Variants in CDYL observed in about 807,000 individuals in gnomAD.
The protein encoded by CDYL is chromodomain Y-like protein.
In CDYL, 8 loss-of-function variants were observed where a neutral mutation model predicts 47.3. That is an observed-to-expected ratio of 0.17 (90% CI 0.10 to 0.31). The LOEUF is 0.31. Ranked by LOEUF, CDYL falls within the 10% of genes least tolerant of loss-of-function variation. The pLI, the probability that CDYL is intolerant of heterozygous loss-of-function variation, is 1.00. For synonymous variants in CDYL, 266 were observed against 265.0 expected (o/e 1.00, Z -0.04); for missense variants, 471 against 701.4 (o/e 0.67, Z 3.71).
At chr6:4,892,494 GA>G in intron 2 of CDYL, 115 bp downstream of exon 2, 1 of 1,084,502 alleles carries the variant, frequency 9.2e-7, no homozygotes, top group South Asian at 1.6e-5. Context: ...GCATCTGCTG[GA>G]GCCTTGCAGA....
intron 1 of CDYL, among the ~76,000 whole-genome samples, chr6:4,888,161 G>A (rs535452818): frequency 6.6e-6 from 1 of 152,174 alleles, no homozygotes; most frequent in African/African-American, 2.4e-5. Flanking sequence ...TTCTTGTGAT[G>A]TCTTTTGTTT....
At chr6:4,706,660 G>A (rs574424569) in intron 1 of CDYL, among the ~76,000 whole-genome samples, 24 of 152,158 alleles carry the variant, frequency 1.6e-4, no homozygotes, top group East Asian at 1.5e-3. Context: ...GTGGTGGTGC[G>A]CGCCTGTAAT....
chr6:4,756,376 A>C (rs1758074426), intron 3 of CDYL, among the ~76,000 whole-genome samples: 1 of 151,962 alleles, frequency 6.6e-6, no homozygotes, highest in African/African-American at 2.4e-5. Flanking sequence ...TGCCTTCTAA[A>C]CTTTGCTCAC....
rs6900014 is a variant in CDYL, at chr6:4,808,029, T to G, written c.24+31222T>G. 8.5e-3 allele frequency among the ~76,000 whole-genome samples: 1,290 copies of G among 152,282 alleles called. 21 individuals are homozygous for G. The highest frequency in any genetic ancestry group is 0.03 in the African/African-American group (1,239 of 41,540). On this transcript the variant is annotated intron_variant, in intron 1 of 6. Transcript: ENST00000397588. ...GGAAGCTCCTGCAGTTTGGGTCCTATGTCCTTTCATCATGTTTTCCCAATT... is the reference window on the plus strand; with the variant it reads ...GGAAGCTCCTGCAGTTTGGGTCCTAGGTCCTTTCATCATGTTTTCCCAATT...
chr6:4,859,340 A>G lies in CDYL; in HGVS notation c.25-32373A>G, dbSNP rs1229925364. Among the ~76,000 whole-genome samples, 3 of 151,854 alleles carry G rather than the reference A, an allele frequency of 2.0e-5. 1 individual carries two copies. In the East Asian group the frequency reaches 5.8e-4, roughly 29 times the overall value. ...TTTCCAGTAATGGTCATTGCGGATT[A>G]CTTGCCATTGTGTAGGTAGGTCAGC... On this transcript the variant is annotated intron_variant, in intron 1 of 6. Coordinates refer to ENST00000397588, the MANE Select transcript of CDYL (RefSeq NM_004824.4).
intron 1 of CDYL, among the ~76,000 whole-genome samples, chr6:4,872,712 C>T (rs1761509944): frequency 6.6e-6 from 1 of 152,170 alleles, no homozygotes; most frequent in Non-Finnish European, 1.5e-5. Flanking sequence ...TATGTGAAGG[C>T]TTGCCTATAA....
intron 1 of CDYL, among the ~76,000 whole-genome samples, chr6:4,786,782 T>C (rs1451407927): frequency 6.6e-6 from 1 of 152,226 alleles, no homozygotes; most frequent in Non-Finnish European, 1.5e-5. Flanking sequence ...TAGACCAAAG[T>C]ACCCTTGGAG....
chr6:4,941,275 A>G (rs989821015), intron 4 of CDYL, among the ~76,000 whole-genome samples: 5 of 152,260 alleles, frequency 3.3e-5, no homozygotes, highest in Admixed American at 1.3e-4. Context: ...GGACCGTCCC[A>G]GGCTTGAAGG....
chr6:4,719,766 A>G (rs754651289), intron 2 of CDYL, among the ~76,000 whole-genome samples: 2 of 152,150 alleles, frequency 1.3e-5, no homozygotes, highest in Non-Finnish European at 2.9e-5. Flanking sequence ...GATCTTCTTG[A>G]TCTTTAATGA....
intron 1 of CDYL, among the ~76,000 whole-genome samples, chr6:4,797,751 G>A (rs946695422): frequency 5.3e-5 from 8 of 152,184 alleles, no homozygotes; most frequent in African/African-American, 1.9e-4. Flanking sequence ...GTTGCAGAAT[G>A]TATCGGTGAC....
chr6:4,892,694 C>T (rs944553933), intron 2 of CDYL, among the ~76,000 whole-genome samples: 3 of 152,092 alleles, frequency 2.0e-5, no homozygotes, highest in Non-Finnish European at 2.9e-5. Context: ...GTCTACCTTT[C>T]TTCACCTCTG....
chr6:4,766,848 A>T (rs1357726359), intron 3 of CDYL, among the ~76,000 whole-genome samples: 1 of 151,964 alleles, frequency 6.6e-6, no homozygotes, highest in African/African-American at 2.4e-5. Flanking sequence ...CCACAAAAAA[A>T]AAGTTGGCCG....
chr6:4,927,359 C>CCTT (rs1554108556), intron 2 of CDYL, among the ~76,000 whole-genome samples: 1 of 147,968 alleles, frequency 6.8e-6, no homozygotes, highest in East Asian at 2.0e-4. Context: ...GAAAGAACGT[C>CCTT]TTTTTTTTTT....
intron 1 of CDYL, among the ~76,000 whole-genome samples, chr6:4,861,107 G>A (rs1761156001): frequency 6.6e-6 from 1 of 152,178 alleles, no homozygotes; most frequent in Non-Finnish European, 1.5e-5. Context: ...TTGATGCAGA[G>A]GATCTAAAAA....
chr6:4,895,173 ATGTATATATG>A (rs1450545398), intron 2 of CDYL, among the ~76,000 whole-genome samples: 531 of 17,594 alleles, frequency 0.03, 164 homozygotes, highest in Middle Eastern at 0.33. Context: ...ACATATGTGT[ATGTATATATG>A]TGTATATATG....
At chr6:4,804,764 T>C (rs1049781656) in intron 1 of CDYL, among the ~76,000 whole-genome samples, 1 of 152,184 alleles carries the variant, frequency 6.6e-6, no homozygotes, top group African/African-American at 2.4e-5. Flanking sequence ...TTTTAGGTTG[T>C]TTGAAAAAAT....
Position 4,776,680 on chromosome 6 carries a change from G to A in CDYL, c.-104G>A. 1 of 1,072,996 alleles carries A rather than the reference G, an allele frequency of 9.3e-7. No homozygotes were observed. The highest frequency in any genetic ancestry group is 1.2e-6 in the Non-Finnish European group (1 of 822,940). The allele number at this position is 1,072,996 out of a possible 1,614,324, so 66.5% of individuals were successfully genotyped here. A position where few individuals can be genotyped will look rare whatever the true frequency, so the allele number is the denominator to read the frequency against. On this transcript the variant is annotated 5_prime_UTR_variant, in exon 1 of 7. Coordinates refer to ENST00000397588, the MANE Select transcript of CDYL (RefSeq NM_004824.4). The stretch of plus-strand genomic sequence containing the variant: ...CAGCGCCCGGCCGGCCGCGGGAGCA[G>A]GAAGCGCAGGCCACGCAGGACCCAA...
intron 2 of CDYL, among the ~76,000 whole-genome samples, chr6:4,931,257 T>C (rs564100942): frequency 6.6e-6 from 1 of 152,268 alleles, no homozygotes; most frequent in East Asian, 1.9e-4. Context: ...AGTACATCGA[T>C]GATACTGTAA....
rs1362929818 is a variant in CDYL at position 4,953,919 on chromosome 6, C to T, written c.1498C>T (p.Leu500Phe). 6.2e-7 allele frequency: 1 copy of T among 1,613,620 alleles called. No individual in the cohort carries two copies. Among genetic ancestry groups the T allele is most frequent in the Non-Finnish European group, 8.5e-7 (1 of 1,179,890 alleles). ...NPVVLEESKA[L>F]VRCNMKMELE... is the part of the protein sequence containing the mutation. ...GCAGGTGCTTGAGGAATCCAAAGCC[C>T]TCGTGCGCTGCAACATGAAGATGGA... is the stretch of plus-strand genomic sequence containing the variant. Residue 500 changes from leucine to phenylalanine, a missense_variant, in exon 7 of 7, where the codon CTC (leucine) becomes TTC (phenylalanine). Around this residue, in one of 3 missense-constraint regions of CDYL, gnomAD observed 57 missense variants for 74.3 expected, o/e 0.77. Coordinates refer to ENST00000397588, the MANE Select transcript of CDYL (RefSeq NM_004824.4).
Sources: gnomAD v4.1 joint callset for allele counts (sites outside exome capture counted in the v4.1 genomes callset) on GRCh38, gnomAD v4.1.1 for gene constraint, gnomAD v4.1.1 regional missense constraint, MANE v1.5 for transcripts, NCBI Gene and HGNC (gene_info 2026-07-23, HGNC 2026-07-21) for gene names.